The following PIK3CB variants were observed in gnomAD, a reference collection of about 807,000 sequenced individuals.
PIK3CB encodes the protein phosphatidylinositol-4,5-bisphosphate 3-kinase catalytic subunit beta, also known as phosphatidylinositol 4,5-bisphosphate 3-kinase catalytic subunit beta isoform.
In PIK3CB, 39 loss-of-function variants were observed where a neutral mutation model predicts 136.8. That is an observed-to-expected ratio of 0.29 (90% CI 0.22 to 0.37). The LOEUF is 0.37. Among genes scored for constraint, PIK3CB ranks in the 10% least tolerant of loss-of-function variants. The pLI is 1.00. For missense variants in PIK3CB, 868 were observed against 1,275.4 expected (o/e 0.68, Z 4.87); for synonymous variants, 428 against 436.6 (o/e 0.98, Z 0.25).
chr3:138,663,777 A>T, intron 21 of PIK3CB, 129 bp downstream of exon 21: 1 of 854,856 alleles, frequency 1.2e-6, no homozygotes, highest in Non-Finnish European at 1.8e-6. Context: ...GGTAGTGAGA[A>T]ATTGAAGTAA....
chr3:138,748,316 C>A (rs752652730), intron 4 of PIK3CB, among the ~76,000 whole-genome samples: 74 of 152,052 alleles, frequency 4.9e-4, no homozygotes, highest in Non-Finnish European at 1.0e-3. Flanking sequence ...TTCTAATTAG[C>A]CCACCTCCAG....
chr3:138,770,836 C>T (rs1005252681), intron 2 of PIK3CB, among the ~76,000 whole-genome samples: 12 of 151,370 alleles, frequency 7.9e-5, no homozygotes, highest in Non-Finnish European at 1.5e-4. Context: ...CTCAGTCTCC[C>T]GAGAAGCTGG....
At chr3:138,725,282 G>T (rs1435810151) in intron 8 of PIK3CB, among the ~76,000 whole-genome samples, 1 of 152,132 alleles carries the variant, frequency 6.6e-6, no homozygotes, top group African/African-American at 2.4e-5. Flanking sequence ...TAGGCTATGG[G>T]GAATTATGAT....
At chr3:138,720,771 C>T (rs1245592210) in intron 8 of PIK3CB, among the ~76,000 whole-genome samples, 4 of 151,920 alleles carry the variant, frequency 2.6e-5, no homozygotes, top group African/African-American at 7.3e-5. Context: ...AGGAGGCTGA[C>T]GTGGGAGGAT....
chr3:138,686,848 G>A (rs972149312), intron 16 of PIK3CB, among the ~76,000 whole-genome samples: 2 of 152,142 alleles, frequency 1.3e-5, no homozygotes, highest in Admixed American at 6.6e-5. Context: ...GACCTATGCA[G>A]CTTGATGATA....
chr3:138,753,287 G>A (rs6784703), intron 4 of PIK3CB, among the ~76,000 whole-genome samples: 56,565 of 151,856 alleles, frequency 0.37, 12,504 homozygotes, highest in Admixed American at 0.54. Flanking sequence ...TTGGGAGGCC[G>A]AGGCAGGCGG....
intron 6 of PIK3CB, 150 bp from the exon 7 acceptor site, chr3:138,734,954 T>A (rs1281998532): frequency 8.7e-5 from 26 of 299,070 alleles, no homozygotes; most frequent in Middle Eastern, 1.0e-3. Context: ...AAAAAAAAAT[T>A]TTTTTTTTTT....
chr3:138,705,185 AC>A lies in PIK3CB; in HGVS notation c.1531-693del, dbSNP rs763468244. 3.1e-3 allele frequency among the ~76,000 whole-genome samples: 254 copies of A among 82,066 alleles called. 30 individuals carry two copies. The highest frequency in any genetic ancestry group is 9.3e-3 in the East Asian group (14 of 1,508). 53.8% of individuals were successfully genotyped at this position (82,066 alleles called of 152,430 possible). A position where few individuals can be genotyped will look rare whatever the true frequency, so the allele number is the denominator to read the frequency against. ...AAAAAAAAAAAAAACAAAAAACAAA[AC>A]AAACAAAAAAAAAAACTTATATTTG... On this transcript the variant is annotated intron_variant, in intron 11 of 23. Transcript: ENST00000674063.
At chr3:138,710,275 A>G (rs2044470111) in intron 10 of PIK3CB, among the ~76,000 whole-genome samples, 1 of 152,136 alleles carries the variant, frequency 6.6e-6, no homozygotes, top group South Asian at 2.1e-4. Context: ...TGTTAGAGGT[A>G]CATGCTGGAG....
chr3:138,762,652 A>G (rs2045677897), intron 2 of PIK3CB, among the ~76,000 whole-genome samples: 1 of 152,172 alleles, frequency 6.6e-6, no homozygotes, highest in Non-Finnish European at 1.5e-5. Context: ...ATGCTGTATT[A>G]ACTTATAAAG....
intron 19 of PIK3CB, among the ~76,000 whole-genome samples, chr3:138,668,858 C>T (rs894255011): frequency 6.6e-6 from 1 of 152,156 alleles, no homozygotes; most frequent in African/African-American, 2.4e-5. Context: ...GTCCCCACTA[C>T]CCATCAACCC....
chr3:138,667,536 A>G (rs927721899), intron 19 of PIK3CB, among the ~76,000 whole-genome samples: 1 of 151,856 alleles, frequency 6.6e-6, no homozygotes, highest in African/African-American at 2.4e-5. Context: ...GAATTATTTT[A>G]TGCTTTTTTA....
rs189993019 is a variant in PIK3CB at position 138,824,778 on chromosome 3, A to G, written c.-122+9917T>C. Among the ~76,000 whole-genome samples, 28 of 151,464 alleles carry G rather than the reference A, an allele frequency of 1.8e-4. No individual in the cohort carries two copies. In the East Asian group the frequency reaches 5.1e-3, roughly 27 times the overall value. ...AAAGAAAGATCCTAGGCTGGGTGCCATGACTCACACCTGTAATCTCAGCTC... is the reference window on the plus strand; with the variant it reads ...AAAGAAAGATCCTAGGCTGGGTGCCGTGACTCACACCTGTAATCTCAGCTC... On this transcript the variant is annotated intron_variant, in intron 1 of 23. Coordinates refer to ENST00000674063, the MANE Select transcript of PIK3CB (RefSeq NM_006219.3).
chr3:138,823,000 A>AGCCTCC (rs1933630077), intron 1 of PIK3CB, among the ~76,000 whole-genome samples: 1 of 145,784 alleles, frequency 6.9e-6, no homozygotes, highest in African/African-American at 2.5e-5. Flanking sequence ...GGCTCACTGC[A>AGCCTCC]GCCTCCGCCT....
At chr3:138,806,667 A>C (rs549569354) in intron 1 of PIK3CB, among the ~76,000 whole-genome samples, 1 of 152,188 alleles carries the variant, frequency 6.6e-6, no homozygotes, top group Non-Finnish European at 1.5e-5. Flanking sequence ...ATTAGACTTG[A>C]AAAGAGACCA....
intron 1 of PIK3CB, among the ~76,000 whole-genome samples, chr3:138,802,416 GA>G (rs2046187679): frequency 6.6e-6 from 1 of 151,656 alleles, no homozygotes; most frequent in East Asian, 1.9e-4. Context: ...AGGGAAGGGG[GA>G]AAGTAGAAAG....
chr3:138,801,506 G>C (rs2046175163), intron 1 of PIK3CB, among the ~76,000 whole-genome samples: 2 of 152,044 alleles, frequency 1.3e-5, no homozygotes, highest in African/African-American at 4.8e-5. Context: ...TAAGGAAGGA[G>C]GACTGCTTGA....
chr3:138,682,996 A>G (rs1313999415), intron 18 of PIK3CB, among the ~76,000 whole-genome samples: 2 of 152,216 alleles, frequency 1.3e-5, no homozygotes, highest in East Asian at 3.8e-4. Context: ...TCATCAAAAT[A>G]CAAAACTATG....
chr3:138,693,260 A>T (rs1313443510), intron 14 of PIK3CB, among the ~76,000 whole-genome samples: 1 of 151,918 alleles, frequency 6.6e-6, no homozygotes, highest in Non-Finnish European at 1.5e-5. Context: ...CGCCCAGCTA[A>T]TGTCTCTGTA....
Sources: allele counts gnomAD v4.1 joint callset (sites outside exome capture counted in the v4.1 genomes callset), GRCh38; gene constraint gnomAD v4.1.1; transcripts MANE v1.5; gene names NCBI Gene and HGNC (gene_info 2026-07-23, HGNC 2026-07-21).